Variants in PDXDC1 observed in about 807,000 individuals in gnomAD.
PDXDC1 encodes the protein pyridoxal-dependent decarboxylase domain-containing protein 1.
PDXDC1 carries 42 observed loss-of-function variants against 100.1 expected under a neutral mutation model. The ratio of observed to expected loss-of-function variants is 0.42; its 90% CI spans 0.33 to 0.54. The LOEUF (loss-of-function observed/expected upper bound fraction) is 0.54, where lower values mean the gene tolerates loss of function less well. PDXDC1 is among the 20% of genes least tolerant of loss of function. The pLI is 0.10. For missense variants in PDXDC1, 636 were observed against 979.2 expected (o/e 0.65, Z 4.68); for synonymous variants, 260 against 371.7 (o/e 0.70, Z 3.46).
chr16:15,149,166 C>G, the PDXDC1 span, among the ~76,000 whole-genome samples: 2 of 152,286 alleles, frequency 1.3e-5, no homozygotes, highest in South Asian at 4.1e-4. Context: ...ACCCCTGCCC[C>G]CGAGTCACCT....
chr16:15,034,437 A>G lies in PDXDC1; in HGVS notation c.1906-20A>G. Reference sequence around the variant, plus strand: ...CCGCCGTGAGGCCAGGTGGCCCTGAACTCTGGTCCTGTCTTGCAGGGGGTG... The same window carrying G: ...CCGCCGTGAGGCCAGGTGGCCCTGAGCTCTGGTCCTGTCTTGCAGGGGGTG... On this transcript the variant is annotated intron_variant, in intron 20 of 22. Transcript: ENST00000396410. 6.2e-7 allele frequency: 1 copy of G among 1,613,592 alleles called. No homozygotes were observed. Among genetic ancestry groups the G allele is most frequent in the South Asian group, 1.1e-5 (1 of 91,066 alleles).
At position 15,038,285 on chromosome 16, in the gene PDXDC1, CT is replaced by C. The variant is rs2151678434; in HGVS notation, c.*2013del. The C allele has an allele frequency of 1.3e-5, 14 of 1,069,628 alleles. 1 individual carries two copies. In the South Asian group the frequency reaches 2.0e-4, roughly 15 times the overall value. 66.3% of individuals were successfully genotyped at this position (1,069,628 alleles called of 1,614,324 possible). On this transcript the variant is annotated 3_prime_UTR_variant, in exon 23 of 23. Transcript: ENST00000396410. ...TGCTGTGATAAAGATGTCAAAGTAT[CT>C]TTGTTCTTGGACACAAATATATATA... is the stretch of plus-strand genomic sequence containing the variant.
the PDXDC1 span, among the ~76,000 whole-genome samples, chr16:15,145,720 G>A: frequency 6.6e-6 from 1 of 152,268 alleles, no homozygotes; most frequent in Non-Finnish European, 1.5e-5. Context: ...CTGGGAAAGG[G>A]CGTGAGCTGC....
chr16:15,061,546 G>A, intron 16 of PDXDC1: 1 of 465,812 alleles, frequency 2.1e-6, no homozygotes, highest in Non-Finnish European at 3.8e-6. Context: ...TCTTCATTTT[G>A]TCTGTAAGGG....
chr16:15,135,578 G>A (rs2048310145), intron 16 of PDXDC1: 9 of 1,232,758 alleles, frequency 7.3e-6, no homozygotes, highest in Non-Finnish European at 1.1e-5. Context: ...CTGGTGGCAA[G>A]CTGGGTGTTC....
chr16:15,136,711 G>A, intron 16 of PDXDC1: 3 of 1,419,782 alleles, frequency 2.1e-6, no homozygotes, highest in Middle Eastern at 2.4e-4. Flanking sequence ...CCCGTTGCCA[G>A]AGAAGATCTC....
At chr16:15,133,579 C>A in intron 16 of PDXDC1, 2 of 1,076,210 alleles carry the variant, frequency 1.9e-6, no homozygotes, top group Admixed American at 3.9e-5. Context: ...CCGGGGGCAG[C>A]ACGGCTCCGT....
At chr16:15,114,926 AATTTTTTTT>A (rs1350922178) in intron 16 of PDXDC1, among the ~76,000 whole-genome samples, 3 of 94,806 alleles carry the variant, frequency 3.2e-5, no homozygotes, top group African/African-American at 9.4e-5. Flanking sequence ...AAAAAAAAAA[AATTTTTTTT>A]TTTTTTTTTT....
chr16:15,031,949 A>T (rs930062949), intron 17 of PDXDC1, 43 bp downstream of exon 17: 2 of 1,503,932 alleles, frequency 1.3e-6, no homozygotes, highest in African/African-American at 2.8e-5. Flanking sequence ...ACTTTTCTGT[A>T]TAAAGAACAT....
chr16:15,060,373 C>T (rs757109707), intron 16 of PDXDC1: 1 of 197,214 alleles, frequency 5.1e-6, no homozygotes, highest in Non-Finnish European at 1.1e-5. Flanking sequence ...TTTCTATTTT[C>T]CAAAAAAGTA....
chr16:15,040,496 A>G (rs1043150769), downstream of PDXDC1: 11 of 177,226 alleles, frequency 6.2e-5, no homozygotes, highest in Admixed American at 5.7e-4. Context: ...CCTACCACCC[A>G]GCTAAATCAA....
In PDXDC1 at chr16:15,033,315, C is replaced by A. The variant is rs754927406; in HGVS notation, c.1728C>A (p.Val576=). The A allele has an allele frequency of 3.1e-6, 5 of 1,614,118 alleles. No individual in the cohort carries two copies. Among genetic ancestry groups the A allele is most frequent in the Non-Finnish European group, 1.7e-6 (2 of 1,179,976 alleles). Residue 576 remains valine (V), a synonymous_variant, in exon 19 of 23, where the codon GTC becomes GTA. Coordinates refer to ENST00000396410, the MANE Select transcript of PDXDC1 (RefSeq NM_015027.4). ...EYKSMKSCLY[V]GMASDNVDAA... is the part of the protein sequence containing the mutation. ...AGAGCATGAAGAGCTGCCTTTATGT[C>A]GGCATGGCGAGCGACAACGTCGATG...
intron 16 of PDXDC1, chr16:15,127,514 C>T (rs527291352): frequency 7.0e-5 from 108 of 1,544,562 alleles, no homozygotes; most frequent in Admixed American, 3.6e-4. Context: ...GCCAGGTAGA[C>T]GGGATAGACA....
chr16:14,977,289 T>A (rs1966909352), intron 1 of PDXDC1, among the ~76,000 whole-genome samples: 2 of 151,526 alleles, frequency 1.3e-5, no homozygotes, highest in Non-Finnish European at 2.9e-5. Context: ...TTTTTTTTTT[T>A]TTTTTTTTGA....
intron 1 of PDXDC1, among the ~76,000 whole-genome samples, chr16:14,993,319 T>C (rs1373511897): frequency 1.7e-5 from 2 of 116,456 alleles, no homozygotes; most frequent in African/African-American, 6.6e-5. Flanking sequence ...CAAGCAGCAG[T>C]GTATGATGTT....
chr16:15,108,215 G>C, intron 16 of PDXDC1: 1 of 853,066 alleles, frequency 1.2e-6, no homozygotes, highest in Non-Finnish European at 1.4e-6. Context: ...AAAAGGGTAA[G>C]TTTGCTGTGT....
In PDXDC1 at chr16:15,130,653, G is replaced by C. The variant is rs764167875; in HGVS notation, c.1400-8226G>C. 1.3e-5 allele frequency: 18 copies of C among 1,411,130 alleles called. No homozygotes were observed. In the African/African-American group the frequency reaches 2.5e-4, roughly 20 times the overall value. The allele number at this position is 1,411,130 out of a possible 1,614,324, so 87.4% of individuals were successfully genotyped here. On this transcript the variant is annotated intron_variant, in intron 16 of 16. Coordinates refer to the PDXDC1 transcript ENST00000535621. The stretch of plus-strand genomic sequence containing the variant: ...AGCTCACCCCGGGGAAATGAAGAAG[G>C]TGTAGGGCCGGTGGTCGGCACCCTG...
intron 1 of PDXDC1, among the ~76,000 whole-genome samples, chr16:14,977,642 G>T (rs1454585817): frequency 2.0e-5 from 3 of 152,274 alleles, no homozygotes; most frequent in Non-Finnish European, 4.4e-5. Flanking sequence ...ATTTATATTG[G>T]TGCTAATTGG....
intron 16 of PDXDC1, among the ~76,000 whole-genome samples, chr16:15,096,496 C>G (rs1012399165): frequency 6.6e-6 from 1 of 152,212 alleles, no homozygotes; most frequent in Non-Finnish European, 1.5e-5. Flanking sequence ...TTGGTCCTTA[C>G]TGAGTTCCTT....
Sources: allele counts gnomAD v4.1 joint callset (sites outside exome capture counted in the v4.1 genomes callset), GRCh38; gene constraint gnomAD v4.1.1; transcripts MANE v1.5; gene names NCBI Gene and HGNC (gene_info 2026-07-23, HGNC 2026-07-21).